The following CNTNAP4 variants were observed in gnomAD, a reference collection of about 807,000 sequenced individuals.
CNTNAP4 encodes contactin associated protein family member 4.
In CNTNAP4, 98 loss-of-function variants were observed where a neutral mutation model predicts 148.4. The ratio of observed to expected loss-of-function variants is 0.66; its 90% confidence interval spans 0.56 to 0.78. CNTNAP4 has a LOEUF of 0.78. Ranked by LOEUF, CNTNAP4 falls within the 30% of genes least tolerant of loss-of-function variation. The pLI is 0.00. For missense variants in CNTNAP4, 1,935 were observed against 1,565.6 expected (o/e 1.24, Z -3.98); for synonymous variants, 730 against 565.1 (o/e 1.29, Z -4.14).
At chr16:76,338,659 A>G (rs1252054976) in intron 2 of CNTNAP4, among the ~76,000 whole-genome samples, 1 of 152,148 alleles carries the variant, frequency 6.6e-6, no homozygotes, top group Non-Finnish European at 1.5e-5. Flanking sequence ...ACTCTTTTAT[A>G]AAAGATGAAC....
At chr16:76,549,767 A>C (rs1304417461) in intron 21 of CNTNAP4, among the ~76,000 whole-genome samples, 1 of 152,182 alleles carries the variant, frequency 6.6e-6, no homozygotes, top group Admixed American at 6.5e-5. Context: ...TTTGACCCAC[A>C]GAGATGTAAG....
chr16:76,507,534 A>G lies in CNTNAP4; in HGVS notation c.2365+8840A>G, dbSNP rs2082873914. On this transcript the variant is annotated intron_variant, in intron 15 of 23. Transcript: ENST00000611870. ...CATAATGACCTCCAGTTCCATCCAT[A>G]TTGTTGCAAATGATGGATTCTCATT... is the stretch of plus-strand genomic sequence containing the variant. 6.2e-5 allele frequency among the ~76,000 whole-genome samples: 6 copies of G among 97,064 alleles called. 2 individuals are homozygous for G. Among genetic ancestry groups the G allele is most frequent in the Admixed American group, 6.0e-4 (6 of 9,920 alleles). 63.7% of individuals were successfully genotyped at this position (97,064 alleles called of 152,430 possible).
intron 3 of CNTNAP4, among the ~76,000 whole-genome samples, chr16:76,406,098 C>G (rs968259711): frequency 6.6e-6 from 1 of 152,002 alleles, no homozygotes; most frequent in African/African-American, 2.4e-5. Context: ...GTGGCTTACG[C>G]CTGTAGTCCT....
intron 3 of CNTNAP4, among the ~76,000 whole-genome samples, chr16:76,366,507 A>G (rs907756119): frequency 1.3e-5 from 2 of 152,314 alleles, no homozygotes; most frequent in Non-Finnish European, 1.5e-5. Context: ...ATGCATATGT[A>G]TCACATTTTC....
At chr16:76,353,653 C>G (rs2012159393) in intron 2 of CNTNAP4, among the ~76,000 whole-genome samples, 1 of 152,034 alleles carries the variant, frequency 6.6e-6, no homozygotes, top group Non-Finnish European at 1.5e-5. Context: ...CTAGCTAGCC[C>G]TATCCTGCTT....
intron 2 of CNTNAP4, among the ~76,000 whole-genome samples, chr16:76,317,525 A>G (rs1961924661): frequency 6.6e-6 from 1 of 152,218 alleles, no homozygotes; most frequent in Non-Finnish European, 1.5e-5. Flanking sequence ...TGGCAATACT[A>G]ATACATAAAA....
chr16:76,360,457 C>T (rs986732375), intron 3 of CNTNAP4, among the ~76,000 whole-genome samples: 6 of 152,174 alleles, frequency 3.9e-5, no homozygotes, highest in Admixed American at 1.3e-4. Context: ...GTAGGTGACT[C>T]TCCTCCTTGT....
At chr16:76,307,049 T>C (rs1960550457) in intron 1 of CNTNAP4, among the ~76,000 whole-genome samples, 1 of 152,142 alleles carries the variant, frequency 6.6e-6, no homozygotes, top group African/African-American at 2.4e-5. Flanking sequence ...AATAGATGGT[T>C]AAGCACACAG....
At chr16:76,398,792 T>C (rs940455316) in intron 3 of CNTNAP4, among the ~76,000 whole-genome samples, 1 of 152,148 alleles carries the variant, frequency 6.6e-6, no homozygotes, top group Admixed American at 6.6e-5. Flanking sequence ...TTAAATAATA[T>C]TGGGTGCATA....
Position 76,479,426 on chromosome 16 carries a change from T to C in CNTNAP4, c.1770T>C (p.Tyr590=). The C allele has an allele frequency of 6.3e-7, 1 of 1,595,034 alleles. No homozygotes were observed. The highest frequency in any genetic ancestry group is 8.5e-7 in the Non-Finnish European group (1 of 1,171,762). The change falls in exon 12 of 24, where the codon TAT becomes TAC. Residue 590 remains tyrosine (Y), a synonymous_variant. Transcript: ENST00000611870. Reference sequence around the variant, plus strand: ...TGATTTTTTTTCTTAAAGCTATCTATGAGCAGTCATGTGAAGCCTATAAGC... The same window carrying C: ...TGATTTTTTTTCTTAAAGCTATCTACGAGCAGTCATGTGAAGCCTATAAGC... ...YRGATCHNSI[Y]EQSCEAYKHR...
In CNTNAP4 at chr16:76,462,111, A is replaced by G. The variant is rs1328256536; in HGVS notation, c.1483+6A>G. 6.2e-7 allele frequency: 1 copy of G among 1,611,888 alleles called. No individual in the cohort carries two copies. Among genetic ancestry groups the G allele is most frequent in the Non-Finnish European group, 8.5e-7 (1 of 1,178,872 alleles). On this transcript the variant is annotated splice_donor_region_variant and intron_variant, in intron 9 of 23. Coordinates refer to ENST00000611870, the MANE Select transcript of CNTNAP4 (RefSeq NM_033401.5). The stretch of plus-strand genomic sequence containing the variant: ...TGGCACCTATTATTTTGGAGGTAAG[A>G]ATAGGTGCCAGGCTCTATGAGCAAC...
At chr16:76,379,645 C>T (rs978316517) in intron 3 of CNTNAP4, among the ~76,000 whole-genome samples, 3 of 152,164 alleles carry the variant, frequency 2.0e-5, no homozygotes, top group African/African-American at 4.8e-5. Context: ...AGTTTTTCCT[C>T]CCATTGAAAC....
chr16:76,534,974 A>G lies in CNTNAP4; in HGVS notation c.2756-571A>G, dbSNP rs373364878. Among the ~76,000 whole-genome samples, 12 of 152,310 alleles carry G rather than the reference A, an allele frequency of 7.9e-5. No individual in the cohort carries two copies. In the South Asian group the frequency reaches 2.3e-3, roughly 29 times the overall value. On this transcript the variant is annotated intron_variant, in intron 17 of 23. Coordinates refer to ENST00000611870, the MANE Select transcript of CNTNAP4 (RefSeq NM_033401.5). ...TCTTTCCAAGCATAAAACACTGAAC[A>G]CTAGACTAATCTTTAGAAAAACAAT... is the stretch of plus-strand genomic sequence containing the variant.
rs189605884 is a variant in CNTNAP4 at position 76,308,395 on chromosome 16, T to C, written c.86-8018T>C. The stretch of plus-strand genomic sequence containing the variant: ...TATGCTTAGAAAAATTATATTTTAT[T>C]CAATCCTAGGTGTATTGTCAGTTTT... On this transcript the variant is annotated intron_variant, in intron 1 of 23. Coordinates refer to ENST00000611870, the MANE Select transcript of CNTNAP4 (RefSeq NM_033401.5). Among the ~76,000 whole-genome samples the C allele has an allele frequency of 4.8e-3, 736 of 152,326 alleles. 2 individuals carry two copies. Among genetic ancestry groups the C allele is most frequent in the African/African-American group, 0.016 (662 of 41,576 alleles).
chr16:76,353,229 G>A (rs962942529), intron 2 of CNTNAP4, among the ~76,000 whole-genome samples: 6 of 152,182 alleles, frequency 3.9e-5, no homozygotes, highest in Non-Finnish European at 1.5e-5. Flanking sequence ...GAAGAAAGAT[G>A]GAAATTTGAT....
chr16:76,550,721 T>C (rs751958308), intron 21 of CNTNAP4, among the ~76,000 whole-genome samples: 18 of 152,078 alleles, frequency 1.2e-4, no homozygotes, highest in Admixed American at 5.2e-4. Context: ...TTTTCATGTA[T>C]ATATGTTTAA....
chr16:76,440,356 C>G (rs2079986278), intron 4 of CNTNAP4, among the ~76,000 whole-genome samples: 1 of 151,952 alleles, frequency 6.6e-6, no homozygotes, highest in Non-Finnish European at 1.5e-5. Flanking sequence ...CAATTTTTCT[C>G]TTTTAAGTTT....
At chr16:76,493,794 T>A (rs1222957451) in intron 13 of CNTNAP4, among the ~76,000 whole-genome samples, 1 of 152,222 alleles carries the variant, frequency 6.6e-6, no homozygotes, top group Non-Finnish European at 1.5e-5. Context: ...TTGCTGGTTT[T>A]TTGTTTTTGT....
At chr16:76,292,485 T>C (rs1959154370) in intron 1 of CNTNAP4, among the ~76,000 whole-genome samples, 5 of 152,170 alleles carry the variant, frequency 3.3e-5, no homozygotes, top group Admixed American at 3.3e-4. Context: ...GCATTACCAA[T>C]CTTCCCTACA....
Sources: gnomAD v4.1 joint callset for allele counts (sites outside exome capture counted in the v4.1 genomes callset) on GRCh38, gnomAD v4.1.1 for gene constraint, MANE v1.5 for transcripts, NCBI Gene and HGNC (gene_info 2026-07-23, HGNC 2026-07-21) for gene names.